TBC1D15: variants seen among roughly 807,000 people sequenced by gnomAD.
TBC1D15 encodes GAP for RAB7.
Under a neutral mutation model 95.4 loss-of-function variants are expected in TBC1D15, and 39 were observed. The ratio of observed to expected loss-of-function variants is 0.41; its 90% CI spans 0.32 to 0.53. The LOEUF is 0.53. Among genes scored for constraint, TBC1D15 ranks in the 20% least tolerant of loss-of-function variants. The pLI is 0.29. For missense variants in TBC1D15, 733 were observed against 794.3 expected, an observed-to-expected ratio of 0.92 and a Z score of 0.93; for synonymous variants, 258 against 261.3, an observed-to-expected ratio of 0.99 and a Z score of 0.12.
At chr12:71,908,404 A>AG (rs58242746) in intron 11 of TBC1D15, among the ~76,000 whole-genome samples, 4,185 of 152,254 alleles carry the variant, frequency 0.027, 193 homozygotes, top group African/African-American at 0.094. Flanking sequence ...TAGTGGAAAT[A>AG]ATGTTTTCTA....
intron 11 of TBC1D15, 132 bp from the exon 12 acceptor site, chr12:71,913,694 A>G: frequency 1.6e-6 from 1 of 610,072 alleles, no homozygotes. Flanking sequence ...CTTGGTGAAC[A>G]TCAGTGTCTA....
intron 1 of TBC1D15, among the ~76,000 whole-genome samples, chr12:71,846,266 T>A (rs951578621): frequency 3.9e-5 from 6 of 152,242 alleles, no homozygotes; most frequent in Non-Finnish European, 7.3e-5. Context: ...ATAAATGTAC[T>A]TATCTGCTTG....
chr12:71,844,369 C>G (rs1885802639), intron 1 of TBC1D15, among the ~76,000 whole-genome samples: 1 of 152,220 alleles, frequency 6.6e-6, no homozygotes, highest in Admixed American at 6.5e-5. Flanking sequence ...TATTTAGACT[C>G]TACTCTCTGG....
At chr12:71,850,344 A>T in intron 1 of TBC1D15, 3 of 368,802 alleles carry the variant, frequency 8.1e-6, no homozygotes, top group South Asian at 7.3e-5. Context: ...AAACCAGTGC[A>T]TTTCACCTGC....
intron 1 of TBC1D15, chr12:71,849,171 A>AAAAAAAAC (rs1887112263): frequency 3.6e-6 from 1 of 275,308 alleles, no homozygotes; most frequent in Admixed American, 5.1e-5. Context: ...TATAAAAAAA[A>AAAAAAAAC]AAAAAAACAA....
chr12:71,885,016 G>C lies in TBC1D15; in HGVS notation c.549G>C (p.Leu183Phe), dbSNP rs1225462952. 1.2e-6 allele frequency: 2 copies of C among 1,612,750 alleles called. No homozygotes were observed. Among genetic ancestry groups the C allele is most frequent in the Non-Finnish European group, 1.7e-6 (2 of 1,179,258 alleles). ...AATCTCTTGAAAAATATGTGGTATT[G>C]TGTGAGTAAGTATCATATTATTTTC... ...LIESLEKYVV[L>F]CESPQDKRTL... The change falls in exon 5 of 17, where the codon TTG becomes TTC. Residue 183 changes from leucine to phenylalanine, a missense_variant. Leu to Phe is a conservative substitution (Grantham distance 22). Transcript: ENST00000485960.
chr12:71,907,045 C>G lies in TBC1D15; in HGVS notation c.1207C>G (p.Arg403Gly), dbSNP rs764598218. ...LIEKDVNRTD[R>G]TNKFYEGQDN... ...AGAAAAAGATGTTAACAGAACAGAT[C>G]GAACAAACAAGTTTTATGAAGGCCA... is the stretch of plus-strand genomic sequence containing the variant. Residue 403 changes from arginine to glycine, a missense_variant, in exon 11 of 17, where the codon CGA becomes GGA. Physicochemically the swap from Arg to Gly is moderately radical, Grantham distance 125. Coordinates refer to ENST00000485960, the MANE Select transcript of TBC1D15 (RefSeq NM_001146213.3). 4 of 1,609,406 alleles carry G rather than the reference C, an allele frequency of 2.5e-6. No individual in the cohort carries two copies. The South Asian group carries it at 4.4e-5, about 18-fold the overall frequency.
At chr12:71,872,283 G>A in intron 2 of TBC1D15, 115 bp downstream of exon 2, 1 of 536,596 alleles carries the variant, frequency 1.9e-6, no homozygotes, top group East Asian at 3.4e-5. Context: ...TAATTGAACA[G>A]TAATTGTAAA....
chr12:71,849,723 G>T lies in TBC1D15; in HGVS notation c.30+9912G>T, dbSNP rs1345074664. The T allele has an allele frequency of 7.3e-6, 4 of 550,852 alleles. No homozygotes were observed. In the Admixed American group the frequency reaches 9.2e-5, roughly 13 times the overall value. The allele number at this position is 550,852 out of a possible 1,614,324, so 34.1% of individuals were successfully genotyped here. On this transcript the variant is annotated intron_variant, in intron 1 of 16. Coordinates refer to ENST00000485960, the MANE Select transcript of TBC1D15 (RefSeq NM_001146213.3). ...AGTACTGCTCTTTTCAAAGACTCGG[G>T]GGTCACTCCATTTTGATAGAGCTCT... is the stretch of plus-strand genomic sequence containing the variant.
chr12:71,878,218 G>C (rs912142489), intron 3 of TBC1D15, among the ~76,000 whole-genome samples: 1 of 152,100 alleles, frequency 6.6e-6, no homozygotes, highest in Non-Finnish European at 1.5e-5. Context: ...CCTGATTTCA[G>C]TATATTATTC....
At chr12:71,854,854 G>T in intron 1 of TBC1D15, 1 of 456,280 alleles carries the variant, frequency 2.2e-6, no homozygotes, top group Non-Finnish European at 4.4e-6. Context: ...TTTTCTCAAG[G>T]TATATTTTTT....
chr12:71,894,836 C>A lies in TBC1D15; in HGVS notation c.808C>A (p.Leu270Ile). 1 of 1,612,950 alleles carries A rather than the reference C, an allele frequency of 6.2e-7. No homozygotes were observed. Among genetic ancestry groups the A allele is most frequent in the Non-Finnish European group, 8.5e-7 (1 of 1,179,248 alleles). ...TTTTCTTAGTGATGCTATTCCAGGT[C>A]TAAAGATAAATCAACAAGAAGAACC... ...ADFLSDAIPG[L>I]KINQQEEPGF... Residue 270 changes from leucine (L) to isoleucine (I), a missense_variant, in exon 7 of 17, where the codon CTA (leucine) becomes ATA (isoleucine). Physicochemically the swap from Leu to Ile is conservative, Grantham distance 5 (BLOSUM62 2). Transcript: ENST00000485960.
intron 11 of TBC1D15, among the ~76,000 whole-genome samples, chr12:71,912,837 AATG>A (rs1489370158): frequency 1.3e-5 from 2 of 152,136 alleles, no homozygotes; most frequent in Non-Finnish European, 2.9e-5. Flanking sequence ...ACCGAAGTTG[AATG>A]ATAACGTTTA....
chr12:71,917,014 C>CT (rs541906016), intron 12 of TBC1D15, among the ~76,000 whole-genome samples: 151 of 151,914 alleles, frequency 9.9e-4, no homozygotes, highest in Middle Eastern at 3.4e-3. Context: ...ACATAGATCA[C>CT]TTTTTTTTAA....
intron 10 of TBC1D15, among the ~76,000 whole-genome samples, chr12:71,905,971 C>G (rs1184252683): frequency 6.6e-6 from 1 of 152,024 alleles, no homozygotes; most frequent in East Asian, 1.9e-4. Flanking sequence ...CTCCCGGGTT[C>G]AAGCGATTTT....
rs1898524245 is a variant in TBC1D15 at position 71,897,832 on chromosome 12, A to G, written c.1089-15A>G. ...TTTCAAATAGCTTTCTTTGATGTCAAATTGTTTTCTATAGTGATGAATACT... is the reference window on the plus strand; with the variant it reads ...TTTCAAATAGCTTTCTTTGATGTCAGATTGTTTTCTATAGTGATGAATACT... On this transcript the variant is annotated splice_polypyrimidine_tract_variant and intron_variant, in intron 9 of 16. Coordinates refer to ENST00000485960, the MANE Select transcript of TBC1D15 (RefSeq NM_001146213.3). 3 of 1,600,706 alleles carry G rather than the reference A, an allele frequency of 1.9e-6. No individual in the cohort carries two copies. Among genetic ancestry groups the G allele is most frequent in the Non-Finnish European group, 2.6e-6 (3 of 1,170,546 alleles).
At position 71,917,735 on chromosome 12, in the gene TBC1D15, C is replaced by T; in HGVS notation, c.1439C>T (p.Thr480Ile). The T allele has an allele frequency of 6.2e-7, 1 of 1,612,804 alleles. No individual in the cohort carries two copies. Among genetic ancestry groups the T allele is most frequent in the Non-Finnish European group, 8.5e-7 (1 of 1,179,210 alleles). ...GAAGAACAAATGCAAGGCATGAAGA[C>T]CCAGCTAATTCAGCTGAGTACCTTA... The part of the protein sequence containing the change: ...NFEEQMQGMK[T>I]QLIQLSTLLR... The change falls in exon 13 of 17, where the codon ACC (threonine) becomes ATC (isoleucine). Residue 480 changes from threonine to isoleucine, a missense_variant. Coordinates refer to ENST00000485960, the MANE Select transcript of TBC1D15 (RefSeq NM_001146213.3).
intron 1 of TBC1D15, chr12:71,861,258 TG>T: frequency 2.4e-6 from 1 of 413,368 alleles, no homozygotes; most frequent in Non-Finnish European, 4.2e-6. Flanking sequence ...TTCAGTTTTC[TG>T]GAAGAGTTTG....
chr12:71,872,877 A>G (rs1270798061), intron 2 of TBC1D15, 52 bp from the exon 3 acceptor site: 7 of 1,322,102 alleles, frequency 5.3e-6, no homozygotes, highest in Admixed American at 4.6e-5. Flanking sequence ...TAAAATAATT[A>G]AGAATAACAT....
Sources: allele counts gnomAD v4.1 joint callset (sites outside exome capture counted in the v4.1 genomes callset), GRCh38; gene constraint gnomAD v4.1.1; transcripts MANE v1.5; gene names NCBI Gene and HGNC (gene_info 2026-07-23, HGNC 2026-07-21).